Variants in MTMR8 observed in about 807,000 individuals in gnomAD.
MTMR8 encodes the protein phosphatidylinositol-3,5-bisphosphate 3-phosphatase MTMR8.
A neutral mutation model predicts 39.3 loss-of-function variants in MTMR8; 65 were observed. The ratio of observed to expected loss-of-function variants is 1.65; its 90% confidence interval spans 1.35 to 2.03. The LOEUF (loss-of-function observed/expected upper bound fraction) is 2.03, where lower values mean the gene tolerates loss of function less well. Among genes scored for constraint, MTMR8 ranks in the 30% most tolerant of loss-of-function variants. The pLI, the probability that MTMR8 is intolerant of heterozygous loss-of-function variation, is 0.00. For synonymous variants in MTMR8, 245 were observed against 185.2 expected, an observed-to-expected ratio of 1.32 and a Z score of -2.62; for missense variants, 777 against 538.9, an observed-to-expected ratio of 1.44 and a Z score of -4.37.
At chrX:64,347,017 A>T (rs1158058616) in intron 6 of MTMR8, among the ~76,000 whole-genome samples, 4 of 111,365 alleles carry the variant, frequency 3.6e-5, no homozygotes, top group African/African-American at 9.8e-5. Context: ...TTATCCCCAT[A>T]AGAAAACAGG....
At chrX:64,296,959 T>C (rs1921624822) in intron 12 of MTMR8, among the ~76,000 whole-genome samples, 2 of 103,287 alleles carry the variant, frequency 1.9e-5, no homozygotes, top group Non-Finnish European at 3.9e-5. Context: ...ATGTGCCACA[T>C]TTTCTTAATC....
intron 12 of MTMR8, among the ~76,000 whole-genome samples, chrX:64,315,690 T>C (rs1040272588): frequency 8.0e-5 from 9 of 111,850 alleles, no homozygotes; most frequent in Non-Finnish European, 1.3e-4. Flanking sequence ...ACTCTGCTAA[T>C]TTTTTTCATT....
At chrX:64,391,123 T>C (rs1206333180) in intron 1 of MTMR8, among the ~76,000 whole-genome samples, 2 of 112,615 alleles carry the variant, frequency 1.8e-5, no homozygotes, top group African/African-American at 6.5e-5. Flanking sequence ...AACTTTTCCA[T>C]TTCTAGACTT....
chrX:64,313,371 C>T (rs1013651020), intron 12 of MTMR8, among the ~76,000 whole-genome samples: 1 of 112,790 alleles, frequency 8.9e-6, no homozygotes, highest in Non-Finnish European at 1.9e-5. Flanking sequence ...TAGCTTCCAA[C>T]TTTTCTCCTG....
At position 64,308,217 on chromosome X, in the gene MTMR8, CT is replaced by C. The variant is rs1193733889; in HGVS notation, c.1481+20554del. Among the ~76,000 whole-genome samples, 30 of 104,649 alleles carry C rather than the reference CT, an allele frequency of 2.9e-4. 1 individual carries two copies. Among genetic ancestry groups the C allele is most frequent in the East Asian group, 5.9e-4 (2 of 3,372 alleles). The allele number at this position is 104,649 out of a possible 115,157, so 90.9% of individuals were successfully genotyped here. A position where few individuals can be genotyped will look rare whatever the true frequency, so the allele number is the denominator to read the frequency against. On this transcript the variant is annotated intron_variant, in intron 12 of 13. Transcript: ENST00000374852. Reference sequence around the variant, plus strand: ...AAAAAACTTTTGACGAAGCATAATACTTTTTTTTTTATTATTATTTTTTGAG... The same window carrying C: ...AAAAAACTTTTGACGAAGCATAATACTTTTTTTTTATTATTATTTTTTGAG...
At chrX:64,326,090 T>C (rs181268116) in intron 12 of MTMR8, among the ~76,000 whole-genome samples, 1 of 111,659 alleles carries the variant, frequency 9.0e-6, no homozygotes, top group African/African-American at 3.3e-5. Context: ...AAAGAAAAAA[T>C]TATTATTAAG....
chrX:64,379,690 G>A (rs1375356540), intron 1 of MTMR8, among the ~76,000 whole-genome samples: 2 of 111,227 alleles, frequency 1.8e-5, no homozygotes, highest in Admixed American at 9.6e-5. Context: ...ATTTTAACTT[G>A]ATTACCTTTG....
intron 12 of MTMR8, among the ~76,000 whole-genome samples, chrX:64,315,230 A>T (rs1252016532): frequency 8.9e-6 from 1 of 111,873 alleles, no homozygotes; most frequent in African/African-American, 3.2e-5. Flanking sequence ...CCAGAGGCCC[A>T]TGGCAAGAGA....
Position 64,292,228 on chromosome X carries a change from T to C in MTMR8, c.1482-21155A>G, listed in dbSNP as rs747390369. Among the ~76,000 whole-genome samples the C allele has an allele frequency of 6.2e-5, 7 of 112,117 alleles. No individual in the cohort carries two copies. In the South Asian group the frequency reaches 2.6e-3, roughly 42 times the overall value. Reference sequence around the variant, plus strand: ...GCAAGCAGCTAGTAGTCCTCTGCTATCATGACAATTATGCTTTAGATACTC... The same window carrying C: ...GCAAGCAGCTAGTAGTCCTCTGCTACCATGACAATTATGCTTTAGATACTC... On this transcript the variant is annotated intron_variant, in intron 12 of 13. Coordinates refer to ENST00000374852, the MANE Select transcript of MTMR8 (RefSeq NM_017677.4).
intron 12 of MTMR8, among the ~76,000 whole-genome samples, chrX:64,317,613 G>C (rs1922507793): frequency 9.0e-6 from 1 of 111,713 alleles, no homozygotes; most frequent in Non-Finnish European, 1.9e-5. Flanking sequence ...ATTGTTTCTT[G>C]AGGCATCGTA....
At chrX:64,304,891 T>C (rs866669756) in intron 12 of MTMR8, among the ~76,000 whole-genome samples, 5 of 68,556 alleles carry the variant, frequency 7.3e-5, no homozygotes, top group African/African-American at 3.4e-4. Context: ...TATATATATA[T>C]ATATATATAT....
intron 13 of MTMR8, among the ~76,000 whole-genome samples, chrX:64,270,414 T>G (rs1931733691): frequency 8.9e-6 from 1 of 112,221 alleles, no homozygotes; most frequent in Non-Finnish European, 1.9e-5. Flanking sequence ...TAGGGATTCC[T>G]ACATTTCATA....
chrX:64,281,866 T>C (rs1299460863), intron 12 of MTMR8, among the ~76,000 whole-genome samples: 3 of 106,051 alleles, frequency 2.8e-5, no homozygotes, highest in African/African-American at 1.1e-4. Flanking sequence ...TTAAACAAAT[T>C]TACAAGGAAA....
In MTMR8 at chrX:64,310,811, C is replaced by T. The variant is rs182455740; in HGVS notation, c.1481+17961G>A. ...CGACGGTTTCCAGCTTCATCCATGT[C>T]CCTGCAAAGGACATAAACTCATCCT... On this transcript the variant is annotated intron_variant, in intron 12 of 13. Coordinates refer to ENST00000374852, the MANE Select transcript of MTMR8 (RefSeq NM_017677.4). Among the ~76,000 whole-genome samples the T allele has an allele frequency of 3.6e-5, 4 of 111,341 alleles. No individual in the cohort carries two copies. In the East Asian group the frequency reaches 8.5e-4, roughly 24 times the overall value.
chrX:64,305,742 T>A (rs1922088096), intron 12 of MTMR8: 2 of 470,398 alleles, frequency 4.3e-6, no homozygotes, highest in Admixed American at 2.6e-5. Flanking sequence ...AAATGTATGA[T>A]GAATTAGAAC....
At chrX:64,317,945 G>A (rs1922518250) in intron 12 of MTMR8, among the ~76,000 whole-genome samples, 1 of 112,189 alleles carries the variant, frequency 8.9e-6, no homozygotes, top group South Asian at 3.7e-4. Flanking sequence ...CTCAGTCTAT[G>A]TTAATAACAC....
intron 12 of MTMR8, among the ~76,000 whole-genome samples, chrX:64,298,618 G>T (rs756184703): frequency 1.1e-5 from 1 of 94,815 alleles, no homozygotes; most frequent in Non-Finnish European, 1.9e-5. Context: ...ACACTATGTT[G>T]AATAGGAGTG....
At chrX:64,319,289 G>C (rs1922561369) in intron 12 of MTMR8, among the ~76,000 whole-genome samples, 1 of 112,191 alleles carries the variant, frequency 8.9e-6, no homozygotes, top group Non-Finnish European at 1.9e-5. Flanking sequence ...GAAATGCTTA[G>C]TTAAAAAAAG....
intron 1 of MTMR8, among the ~76,000 whole-genome samples, chrX:64,361,024 G>A (rs1054147420): frequency 1.3e-4 from 15 of 111,320 alleles, no homozygotes; most frequent in Non-Finnish European, 2.7e-4. Flanking sequence ...AAGGTTAATA[G>A]GATAGATCTT....
Sources: gnomAD v4.1 joint callset for allele counts (sites outside exome capture counted in the v4.1 genomes callset) on GRCh38, gnomAD v4.1.1 for gene constraint, MANE v1.5 for transcripts, NCBI Gene and HGNC (gene_info 2026-07-23, HGNC 2026-07-21) for gene names.